The following TRIM71 variants were observed in gnomAD, a reference collection of about 807,000 sequenced individuals.
TRIM71 encodes E3 ubiquitin-protein ligase TRIM71.
A neutral mutation model predicts 61.2 loss-of-function variants in TRIM71; 9 were observed. The observed-to-expected ratio is 0.15, with a 90% CI of 0.09 to 0.26. The LOEUF is 0.26. Among genes scored for constraint, TRIM71 ranks in the 10% least tolerant of loss-of-function variants. The pLI is 1.00. For missense variants in TRIM71, 998 were observed against 1,238.7 expected (o/e 0.81, Z 2.92); for synonymous variants, 645 against 553.2 (o/e 1.17, Z -2.33).
At position 32,878,345 on chromosome 3, in the gene TRIM71, C is replaced by T. The variant is rs200895471; in HGVS notation, c.1020+4360C>T. Among the ~76,000 whole-genome samples the T allele has an allele frequency of 6.6e-5, 10 of 152,236 alleles. No individual in the cohort carries two copies. In the East Asian group the frequency reaches 1.9e-3, roughly 29 times the overall value. Reference sequence around the variant, plus strand: ...CGCAAACCGGCCTGGCATGGTGGCGCAAGCCTGTAATCCCAGCACTTTGGG... The same window carrying T: ...CGCAAACCGGCCTGGCATGGTGGCGTAAGCCTGTAATCCCAGCACTTTGGG... On this transcript the variant is annotated intron_variant, in intron 2 of 3. Coordinates refer to ENST00000383763, the MANE Select transcript of TRIM71 (RefSeq NM_001039111.3).
At chr3:32,830,831 G>T (rs1696262556) in intron 1 of TRIM71, among the ~76,000 whole-genome samples, 1 of 152,074 alleles carries the variant, frequency 6.6e-6, no homozygotes, top group African/African-American at 2.4e-5. Flanking sequence ...TATTTGTTTT[G>T]ATGTTTGTTT....
Position 32,890,336 on chromosome 3 carries a change from C to G in TRIM71, c.1156-24C>G. 1 of 1,597,674 alleles carries G rather than the reference C, an allele frequency of 6.3e-7. No individual in the cohort carries two copies. Among genetic ancestry groups the G allele is most frequent in the Non-Finnish European group, 8.6e-7 (1 of 1,168,558 alleles). ...CTTGGCTCTAAGCCTCTGTGTCTTT[C>G]TCCACTCTTGCTTTTCCCTCCAGGT... On this transcript the variant is annotated intron_variant, in intron 3 of 3. Transcript: ENST00000383763. This position sits in a 1 kb window ranked among gnomAD's most constrained non-coding sequence, Gnocchi z 6.2.
intron 1 of TRIM71, among the ~76,000 whole-genome samples, chr3:32,829,574 A>T (rs2125675583): frequency 6.6e-6 from 1 of 152,068 alleles, no homozygotes; most frequent in African/African-American, 2.4e-5. Flanking sequence ...TGCTCAATGG[A>T]ACAGTCTAAT....
intron 1 of TRIM71, among the ~76,000 whole-genome samples, chr3:32,872,758 G>A (rs567645647): frequency 7.2e-5 from 11 of 152,190 alleles, no homozygotes; most frequent in Admixed American, 1.3e-4. Context: ...TGCTAACACT[G>A]TGGCCTTGAG....
At chr3:32,862,646 G>C (rs929277470) in intron 1 of TRIM71, among the ~76,000 whole-genome samples, 2 of 152,202 alleles carry the variant, frequency 1.3e-5, no homozygotes, top group African/African-American at 4.8e-5. Flanking sequence ...GAAAACTTGT[G>C]TGTCTACGTC....
intron 1 of TRIM71, among the ~76,000 whole-genome samples, chr3:32,870,112 G>A (rs777015933): frequency 2.0e-5 from 3 of 152,106 alleles, no homozygotes; most frequent in Non-Finnish European, 2.9e-5. Flanking sequence ...CTTACCTATC[G>A]ATTGTTTTAA....
At chr3:32,872,306 C>T (rs1015001680) in intron 1 of TRIM71, among the ~76,000 whole-genome samples, 3 of 152,162 alleles carry the variant, frequency 2.0e-5, no homozygotes, top group Admixed American at 2.0e-4. Flanking sequence ...TCCTAGATTA[C>T]ACACTTCCCT....
chr3:32,823,747 TGACGGAGCGA>T (rs1696166616), intron 1 of TRIM71, among the ~76,000 whole-genome samples: 3 of 145,118 alleles, frequency 2.1e-5, no homozygotes, highest in Admixed American at 2.0e-4. Context: ...CCAGCCTGGG[TGACGGAGCGA>T]GACTATCTAA....
intron 1 of TRIM71, among the ~76,000 whole-genome samples, chr3:32,871,149 G>A (rs1412740663): frequency 1.3e-5 from 2 of 152,056 alleles, no homozygotes; most frequent in East Asian, 1.9e-4. Context: ...GGGGTCTTCC[G>A]GAGGTACCCA....
intron 2 of TRIM71, among the ~76,000 whole-genome samples, chr3:32,876,098 T>C (rs892278756): frequency 2.0e-5 from 3 of 152,218 alleles, no homozygotes; most frequent in Non-Finnish European, 2.9e-5. Context: ...TGTGTTGCTC[T>C]TCTCCTTTGT....
intron 2 of TRIM71, among the ~76,000 whole-genome samples, chr3:32,882,856 C>T (rs898089185): frequency 2.0e-5 from 3 of 152,148 alleles, no homozygotes; most frequent in African/African-American, 7.2e-5. Flanking sequence ...TTTTTAATAG[C>T]AATTCTTTTT....
intron 1 of TRIM71, among the ~76,000 whole-genome samples, chr3:32,858,578 C>T (rs1696631711): frequency 6.6e-6 from 1 of 152,176 alleles, no homozygotes; most frequent in African/African-American, 2.4e-5. Context: ...GGAGGCCCAG[C>T]TGAACAGCCT....
intron 1 of TRIM71, among the ~76,000 whole-genome samples, chr3:32,824,883 C>T (rs1344673871): frequency 1.1e-4 from 17 of 152,140 alleles, no homozygotes; most frequent in African/African-American, 4.1e-4. Flanking sequence ...CAACCTCCGC[C>T]TCCCTGGTTC....
At chr3:32,871,375 G>A (rs375015984) in intron 1 of TRIM71, among the ~76,000 whole-genome samples, 28 of 152,322 alleles carry the variant, frequency 1.8e-4, no homozygotes, top group Admixed American at 4.6e-4. Flanking sequence ...GGGAAAGAAC[G>A]GATGCGTTCT....
chr3:32,826,780 C>G (rs1022342190), intron 1 of TRIM71, among the ~76,000 whole-genome samples: 8 of 151,184 alleles, frequency 5.3e-5, no homozygotes, highest in Non-Finnish European at 2.9e-5. Context: ...TTTTTTGAGA[C>G]GGAGTCTTGC....
chr3:32,883,821 G>A (rs1282004369), intron 2 of TRIM71, among the ~76,000 whole-genome samples: 5 of 152,208 alleles, frequency 3.3e-5, no homozygotes, highest in African/African-American at 1.2e-4. Flanking sequence ...CATGGGCTTT[G>A]TACTTAGCTC....
At chr3:32,867,763 A>G (rs186930487) in intron 1 of TRIM71, among the ~76,000 whole-genome samples, 1 of 152,322 alleles carries the variant, frequency 6.6e-6, no homozygotes, top group East Asian at 1.9e-4. Context: ...GTGATTGTCA[A>G]AAATACTATA....
chr3:32,852,472 C>G (rs1448552568), intron 1 of TRIM71, among the ~76,000 whole-genome samples: 1 of 152,078 alleles, frequency 6.6e-6, no homozygotes, highest in Non-Finnish European at 1.5e-5. Flanking sequence ...GAAACGGACC[C>G]AAAGCAAGAC....
intron 3 of TRIM71, among the ~76,000 whole-genome samples, chr3:32,889,501 G>GTAA (rs10624817): frequency 0.3 from 45,505 of 150,688 alleles, 7,165 homozygotes; most frequent in Middle Eastern, 0.4. Flanking sequence ...AAAAGTTGCA[G>GTAA]TAATAGTAAC....
Sources: allele counts gnomAD v4.1 joint callset (sites outside exome capture counted in the v4.1 genomes callset), GRCh38; gene constraint gnomAD v4.1.1; non-coding constraint Gnocchi (gnomAD v3.1); transcripts MANE v1.5; gene names NCBI Gene and HGNC (gene_info 2026-07-23, HGNC 2026-07-21).